DNM1: variants seen among roughly 807,000 people sequenced by gnomAD.
DNM1 encodes the protein dynamin-1.
DNM1 carries 29 observed loss-of-function variants against 104.6 expected under a neutral mutation model. The observed-to-expected ratio is 0.28, with a 90% CI of 0.21 to 0.38. The LOEUF is 0.38. DNM1 is among the 10% of genes least tolerant of loss of function. The pLI is 1.00. For synonymous variants in DNM1, 445 were observed against 475.8 expected (o/e 0.94, Z 0.84); for missense variants, 640 against 1,189.4 (o/e 0.54, Z 6.79).
rs1024262483 is a variant in DNM1, at chr9:128,247,606, G to A, written c.1893+120G>A. Reference sequence around the variant, plus strand: ...CCCTTATTTGGCTCAGAAATAATAGGAATCCTCCCCCCTACCCACTCTGGG... The same window carrying A: ...CCCTTATTTGGCTCAGAAATAATAGAAATCCTCCCCCCTACCCACTCTGGG... On this transcript the variant is annotated intron_variant, in intron 17 of 21. Transcript: ENST00000372923. This position sits in a 1 kb window ranked among gnomAD's most constrained non-coding sequence, Gnocchi z 5.1. The A allele has an allele frequency of 8.1e-6, 7 of 862,766 alleles. No homozygotes were observed. The East Asian group carries it at 1.9e-4, about 23-fold the overall frequency. 53.4% of individuals were successfully genotyped at this position (862,766 alleles called of 1,614,324 possible). A position where few individuals can be genotyped will look rare whatever the true frequency, so the allele number is the denominator to read the frequency against.
Position 128,254,783 on chromosome 9 carries a change from A to C in DNM1, c.*69A>C, listed in dbSNP as rs1488775892. Reference sequence around the variant, plus strand: ...CTGGACGGCTGTTCTGTGACTTGACAGTGGCTCCCCCAGCCCCAAAGCCAG... The same window carrying C: ...CTGGACGGCTGTTCTGTGACTTGACCGTGGCTCCCCCAGCCCCAAAGCCAG... On this transcript the variant is annotated 3_prime_UTR_variant, in exon 22 of 22. Transcript: ENST00000372923. This position sits in a 1 kb window ranked among gnomAD's most constrained non-coding sequence, Gnocchi z 6.1. 7.4e-7 allele frequency: 1 copy of C among 1,357,996 alleles called. No homozygotes were observed. The highest frequency in any genetic ancestry group is 1.0e-6 in the Non-Finnish European group (1 of 967,544). The allele number at this position is 1,357,996 out of a possible 1,614,324, so 84.1% of individuals were successfully genotyped here.
In DNM1 at chr9:128,224,245, G is replaced by A. The variant is rs767877912; in HGVS notation, c.1197-6G>A. The A allele has an allele frequency of 1.7e-5, 28 of 1,612,898 alleles. No individual in the cohort carries two copies. The highest frequency in any genetic ancestry group is 6.6e-5 in the South Asian group (6 of 90,828). On this transcript the variant is annotated splice_region_variant and splice_polypyrimidine_tract_variant and intron_variant, in intron 9 of 21. Coordinates refer to ENST00000372923, the MANE Select transcript of DNM1 (RefSeq NM_004408.4). This position sits in a 1 kb window ranked among gnomAD's most constrained non-coding sequence, Gnocchi z 4.3. ...ACTCTGCCCTTCTCCCGCTCCGGGC[G>A]TTCAGAACGGGGCTGTTTACCCCAG... is the stretch of plus-strand genomic sequence containing the variant.
At chr9:128,244,480 AGGCTCTTTGGGCAGACCGGC>A (rs1836623963) in intron 15 of DNM1, among the ~76,000 whole-genome samples, 1 of 151,836 alleles carries the variant, frequency 6.6e-6, no homozygotes, top group Non-Finnish European at 1.5e-5. Flanking sequence ...GGGGTGAGGG[AGGCTCTTTGGGCAGACCGGC>A]GGCTGCCCAC....
rs1019671226 is a variant in DNM1, at chr9:128,248,747, T to A, written c.2070T>A (p.Ile690=). ...CCAAGACCATCATGCACCTCATGAT[T>A]AACAATGTGCGTGCTCCACTGCATG... is the stretch of plus-strand genomic sequence containing the variant. ...LMPKTIMHLM[I]NNTKEFIFSE... Residue 690 remains isoleucine (I), a synonymous_variant, in exon 19 of 22, where the codon ATT becomes ATA. Transcript: ENST00000372923. The surrounding 1 kb of genome is among the most constrained non-coding windows in gnomAD (Gnocchi z 5.6). The A allele has an allele frequency of 1.2e-6, 2 of 1,612,578 alleles. No homozygotes were observed. The highest frequency in any genetic ancestry group is 4.5e-5 in the East Asian group (2 of 44,850).
chr9:128,241,151 G>C (rs1291569132), intron 14 of DNM1: 1 of 152,274 alleles, frequency 6.6e-6, no homozygotes, highest in Non-Finnish European at 1.5e-5. Context: ...CATAAGGAGG[G>C]CTCCAGAAGC....
At chr9:128,229,600 C>CAAAAAAAAAA (rs56072236) in intron 10 of DNM1, among the ~76,000 whole-genome samples, 3 of 66,674 alleles carry the variant, frequency 4.5e-5, no homozygotes, top group Non-Finnish European at 7.9e-5. Context: ...AAAACCTTAT[C>CAAAAAAAAAA]AAAAAAAAAA....
Position 128,218,204 on chromosome 9 carries a change from C to T in DNM1, c.162-27C>T, listed in dbSNP as rs761292126. The T allele has an allele frequency of 6.2e-7, 1 of 1,612,600 alleles. No individual in the cohort carries two copies. Among genetic ancestry groups the T allele is most frequent in the East Asian group, 2.2e-5 (1 of 44,864 alleles). ...AGAGGGCGCCCCCTCATATCTTGACCCTCCTTTGACCTCCAACTCATTGCA... is the reference window on the plus strand; with the variant it reads ...AGAGGGCGCCCCCTCATATCTTGACTCTCCTTTGACCTCCAACTCATTGCA... On this transcript the variant is annotated intron_variant, in intron 1 of 21. Coordinates refer to ENST00000372923, the MANE Select transcript of DNM1 (RefSeq NM_004408.4). The surrounding 1 kb of genome is among the most constrained non-coding windows in gnomAD (Gnocchi z 4.8).
In DNM1 at chr9:128,203,479, C is replaced by A; in HGVS notation, c.9C>A (p.Asn3Lys). 1 of 1,510,354 alleles carries A rather than the reference C, an allele frequency of 6.6e-7. No individual in the cohort carries two copies. The allele number at this position is 1,510,354 out of a possible 1,614,324, so 93.6% of individuals were successfully genotyped here. Residue 3 changes from asparagine to lysine, a missense_variant, in exon 1 of 22, where the codon AAC becomes AAA. By Grantham distance (94) the Asn-to-Lys change is moderately conservative. This residue lies in a region of DNM1 where 172 missense variants were observed against 335.3 expected (regional missense o/e 0.51). Transcript: ENST00000372923. This position sits in a 1 kb window ranked among gnomAD's most constrained non-coding sequence, Gnocchi z 5.3. ...CGGGGCCCGCCGCAGCCATGGGCAA[C>A]CGCGGCATGGAAGATCTCATCCCGC... MG[N>K]RGMEDLIPLV...
intron 1 of DNM1, among the ~76,000 whole-genome samples, chr9:128,214,186 G>A (rs761077007): frequency 5.9e-5 from 9 of 152,250 alleles, no homozygotes; most frequent in East Asian, 3.9e-4. Flanking sequence ...TTCTGGTGAC[G>A]AGGCTGTGGG....
Position 128,254,456 on chromosome 9 carries a change from C to A in DNM1, c.2535-198C>A, listed in dbSNP as rs1235919031. 4.7e-6 allele frequency: 7 copies of A among 1,480,036 alleles called. No homozygotes were observed. In the East Asian group the frequency reaches 1.8e-4, roughly 38 times the overall value. 91.7% of individuals were successfully genotyped at this position (1,480,036 alleles called of 1,614,324 possible). A position where few individuals can be genotyped will look rare whatever the true frequency, so the allele number is the denominator to read the frequency against. ...GGCGCTATCTGTGAAGCTACGGCTC[C>A]TCCCTCCATCTTCCTCCCCTTTCCC... On this transcript the variant is annotated intron_variant, in intron 21 of 21. Transcript: ENST00000372923. This position sits in a 1 kb window ranked among gnomAD's most constrained non-coding sequence, Gnocchi z 6.1.
At position 128,245,419 on chromosome 9, in the gene DNM1, A is replaced by G. The variant is rs1836730310; in HGVS notation, c.1672-975A>G. Among the ~76,000 whole-genome samples the G allele has an allele frequency of 1.3e-5, 2 of 151,648 alleles. No individual in the cohort carries two copies. Among genetic ancestry groups the G allele is most frequent in the South Asian group, 4.2e-4 (2 of 4,798 alleles). On this transcript the variant is annotated intron_variant, in intron 15 of 21. Transcript: ENST00000372923. This position sits in a 1 kb window ranked among gnomAD's most constrained non-coding sequence, Gnocchi z 5.2. The stretch of plus-strand genomic sequence containing the variant: ...GACGACCCCCGTGAACAAGTAGGGC[A>G]TGGGTGACAAAAACCCCTCCCCTCT...
In DNM1 at chr9:128,210,679, A is replaced by G. The variant is rs1199354191; in HGVS notation, c.161+7048A>G. 2.6e-5 allele frequency among the ~76,000 whole-genome samples: 4 copies of G among 152,284 alleles called. No individual in the cohort carries two copies. In the South Asian group the frequency reaches 8.3e-4, roughly 32 times the overall value. On this transcript the variant is annotated intron_variant, in intron 1 of 21. Coordinates refer to ENST00000372923, the MANE Select transcript of DNM1 (RefSeq NM_004408.4). ...GGTTTTTAGATGGCAAAAATGACACAGAGAGCGTAGGGAACCTGCCTAATG... is the reference window on the plus strand; with the variant it reads ...GGTTTTTAGATGGCAAAAATGACACGGAGAGCGTAGGGAACCTGCCTAATG...
In DNM1 at chr9:128,254,604, C is replaced by G; in HGVS notation, c.2535-50C>G. ...GTGCTGCGCTTGCCTTACCAGCTCT[C>G]TCCTCGCTTTTCTCTCCCGTTTTCT... On this transcript the variant is annotated intron_variant, in intron 21 of 21. Transcript: ENST00000372923. The surrounding 1 kb of genome is among the most constrained non-coding windows in gnomAD (Gnocchi z 6.1). 1 of 1,589,832 alleles carries G rather than the reference C, an allele frequency of 6.3e-7. No homozygotes were observed. The highest frequency in any genetic ancestry group is 8.5e-7 in the Non-Finnish European group (1 of 1,175,938).
chr9:128,253,135 A>G lies in DNM1; in HGVS notation c.2535-1519A>G. 5 of 1,606,118 alleles carry G rather than the reference A, an allele frequency of 3.1e-6. No homozygotes were observed. The highest frequency in any genetic ancestry group is 4.2e-6 in the Non-Finnish European group (5 of 1,179,920). ...CAGTGACCCCTGAGGAGCGTCAGCCATGGTAGGTACATGCCTCACCGCCTG... is the reference window on the plus strand; with the variant it reads ...CAGTGACCCCTGAGGAGCGTCAGCCGTGGTAGGTACATGCCTCACCGCCTG... On this transcript the variant is annotated intron_variant, in intron 21 of 21. Transcript: ENST00000372923. The surrounding 1 kb of genome is among the most constrained non-coding windows in gnomAD (Gnocchi z 5.9).
chr9:128,221,774 T>C lies in DNM1; in HGVS notation c.850-423T>C, dbSNP rs189807006. 2.1e-3 allele frequency among the ~76,000 whole-genome samples: 323 copies of C among 152,202 alleles called. 1 individual carries two copies. The highest frequency in any genetic ancestry group is 6.8e-3 in the African/African-American group (283 of 41,520). On this transcript the variant is annotated intron_variant, in intron 6 of 21. Coordinates refer to ENST00000372923, the MANE Select transcript of DNM1 (RefSeq NM_004408.4). ...TGGGCATGGTGGTGCACGCCTGTAG[T>C]CCCAGTTACTTGGGAGGCTGAGGCA...
Position 128,247,312 on chromosome 9 carries a change from C to T in DNM1, c.1782-63C>T, listed in dbSNP as rs946634106. The T allele has an allele frequency of 6.6e-6, 8 of 1,207,852 alleles. No individual in the cohort carries two copies. Among genetic ancestry groups the T allele is most frequent in the East Asian group, 2.5e-5 (1 of 39,944 alleles). 74.8% of individuals were successfully genotyped at this position (1,207,852 alleles called of 1,614,324 possible). A position where few individuals can be genotyped will look rare whatever the true frequency, so the allele number is the denominator to read the frequency against. ...TGTTGACCCCAAAGTCTGGGCATGC[C>T]CTTAACCCCCAGGGAGGGTCAGACT... On this transcript the variant is annotated intron_variant, in intron 16 of 21. Coordinates refer to ENST00000372923, the MANE Select transcript of DNM1 (RefSeq NM_004408.4). This position sits in a 1 kb window ranked among gnomAD's most constrained non-coding sequence, Gnocchi z 5.1.
In DNM1 at chr9:128,250,309, C is replaced by G. The variant is rs762520472; in HGVS notation, c.2271C>G (p.Pro757=). The G allele has an allele frequency of 6.2e-6, 10 of 1,607,730 alleles. No homozygotes were observed. The African/African-American group carries it at 1.3e-4, about 21-fold the overall frequency. ...TTTVSTPMPP[P]VDDSWLQVQS... is the part of the protein sequence containing the mutation. ...CCGTCAGCACGCCCATGCCCCCGCCCGTGGACGACTCCTGGCTGCAGGTGC... is the reference window on the plus strand; with the variant it reads ...CCGTCAGCACGCCCATGCCCCCGCCGGTGGACGACTCCTGGCTGCAGGTGC... Residue 757 remains proline, a synonymous_variant, in exon 20 of 22, where the codon CCC becomes CCG. Coordinates refer to ENST00000372923, the MANE Select transcript of DNM1 (RefSeq NM_004408.4).
intron 16 of DNM1, 54 bp downstream of exon 16, chr9:128,246,557 A>C: frequency 7.3e-7 from 1 of 1,366,694 alleles, no homozygotes; most frequent in South Asian, 1.2e-5. Context: ...ACCCTCACTG[A>C]GTAGAAGCTG....
intron 10 of DNM1, among the ~76,000 whole-genome samples, chr9:128,227,922 G>A (rs1256318991): frequency 6.6e-6 from 1 of 151,992 alleles, no homozygotes; most frequent in Non-Finnish European, 1.5e-5. Context: ...CACAATCATA[G>A]CTCACTGTAG....
Sources: gnomAD v4.1 joint callset for allele counts (sites outside exome capture counted in the v4.1 genomes callset) on GRCh38, gnomAD v4.1.1 for gene constraint, gnomAD v4.1.1 regional missense constraint, Gnocchi (gnomAD v3.1) non-coding constraint, MANE v1.5 for transcripts, NCBI Gene and HGNC (gene_info 2026-07-23, HGNC 2026-07-21) for gene names.